Variants in GRIK2 observed in about 807,000 individuals in gnomAD.
GRIK2 encodes glutamate receptor ionotropic, kainate 2.
GRIK2 carries 32 observed loss-of-function variants against 100.3 expected under a neutral mutation model. The observed-to-expected ratio is 0.32, with a 90% CI of 0.24 to 0.43. GRIK2 has a LOEUF of 0.43. GRIK2 is among the 20% of genes least tolerant of loss of function. The probability of loss-of-function intolerance (pLI) is 1.00; values close to 1 mark genes in which losing one functional copy is unlikely to be tolerated. For missense variants in GRIK2, 843 were observed against 1,114.9 expected, an observed-to-expected ratio of 0.76 and a Z score of 3.47; for synonymous variants, 417 against 389.4, an observed-to-expected ratio of 1.07 and a Z score of -0.83.
chr6:101,780,943 A>C (rs1779047900), intron 7 of GRIK2, among the ~76,000 whole-genome samples: 1 of 152,208 alleles, frequency 6.6e-6, no homozygotes, highest in Non-Finnish European at 1.5e-5. Flanking sequence ...ATGTCCTTTG[A>C]CACTCATGAA....
chr6:101,912,320 T>C (rs1285966618), intron 12 of GRIK2, among the ~76,000 whole-genome samples: 1 of 151,436 alleles, frequency 6.6e-6, no homozygotes, highest in East Asian at 1.9e-4. Context: ...AGCAAAAAAC[T>C]CTAACAGACT....
chr6:101,907,062 T>C (rs1288715894), intron 12 of GRIK2, among the ~76,000 whole-genome samples: 1 of 151,770 alleles, frequency 6.6e-6, no homozygotes, highest in Non-Finnish European at 1.5e-5. Flanking sequence ...AATGTAATTC[T>C]GAAAATCTTC....
At chr6:101,965,951 T>C (rs1295011322) in intron 14 of GRIK2, among the ~76,000 whole-genome samples, 1 of 152,168 alleles carries the variant, frequency 6.6e-6, no homozygotes. Flanking sequence ...ATAATTATGA[T>C]GTTATGTGGT....
intron 3 of GRIK2, among the ~76,000 whole-genome samples, chr6:101,623,625 C>T (rs1482668028): frequency 6.6e-6 from 1 of 152,078 alleles, no homozygotes. Context: ...TTCGGATGTT[C>T]TCACAACAGA....
intron 10 of GRIK2, among the ~76,000 whole-genome samples, chr6:101,848,268 T>C (rs2128438477): frequency 6.6e-6 from 1 of 152,224 alleles, no homozygotes; most frequent in African/African-American, 2.4e-5. Context: ...CGTTGTAAGT[T>C]TTTATTCAAT....
At chr6:101,790,102 T>C (rs1046928552) in intron 7 of GRIK2, among the ~76,000 whole-genome samples, 2 of 152,222 alleles carry the variant, frequency 1.3e-5, no homozygotes, top group African/African-American at 2.4e-5. Flanking sequence ...TAAGGAGATA[T>C]CGGGCTGAGA....
intron 10 of GRIK2, among the ~76,000 whole-genome samples, chr6:101,857,646 A>G (rs1159245709): frequency 6.6e-6 from 1 of 152,226 alleles, no homozygotes; most frequent in African/African-American, 2.4e-5. Flanking sequence ...TTCCTCTAAG[A>G]TAACAGGGGC....
At chr6:101,429,363 G>C (rs1282722914) in intron 2 of GRIK2, among the ~76,000 whole-genome samples, 1 of 152,164 alleles carries the variant, frequency 6.6e-6, no homozygotes. Flanking sequence ...ACTAGAGAGA[G>C]ATGTAGTGCA....
At chr6:101,550,987 C>T (rs1385073035) in intron 2 of GRIK2, among the ~76,000 whole-genome samples, 1 of 152,152 alleles carries the variant, frequency 6.6e-6, no homozygotes, top group South Asian at 2.1e-4. Flanking sequence ...CTCTTCTCTG[C>T]TCCCTGCTCT....
intron 14 of GRIK2, among the ~76,000 whole-genome samples, chr6:101,946,263 G>A (rs922852665): frequency 6.6e-6 from 1 of 151,920 alleles, no homozygotes; most frequent in Non-Finnish European, 1.5e-5. Context: ...ATATGTATGT[G>A]TGTGCATACA....
intron 9 of GRIK2, among the ~76,000 whole-genome samples, chr6:101,807,964 A>G (rs951681559): frequency 3.3e-5 from 5 of 152,106 alleles, no homozygotes; most frequent in African/African-American, 1.2e-4. Flanking sequence ...GTGAGGAAAT[A>G]TAAAAACATC....
intron 7 of GRIK2, among the ~76,000 whole-genome samples, chr6:101,734,059 C>A (rs991458224): frequency 6.6e-6 from 1 of 152,096 alleles, no homozygotes. Flanking sequence ...CAAATTCCTA[C>A]AGCCTCCACC....
intron 2 of GRIK2, among the ~76,000 whole-genome samples, chr6:101,571,747 A>G (rs1248655888): frequency 6.6e-6 from 1 of 152,150 alleles, no homozygotes; most frequent in African/African-American, 2.4e-5. Context: ...TAAATTCAGG[A>G]AATCAGTAGG....
At chr6:101,948,325 TA>T (rs1192107216) in intron 14 of GRIK2, among the ~76,000 whole-genome samples, 2 of 150,858 alleles carry the variant, frequency 1.3e-5, no homozygotes, top group African/African-American at 4.9e-5. Context: ...TTTTTTTTTT[TA>T]AAGTCTCTTC....
chr6:102,066,525 T>G (rs965996410), intron 16 of GRIK2, among the ~76,000 whole-genome samples: 1 of 151,618 alleles, frequency 6.6e-6, no homozygotes, highest in Non-Finnish European at 1.5e-5. Context: ...GGCTTCCTAA[T>G]TAAGTTAAAA....
At chr6:101,758,498 C>T (rs1777277706) in intron 7 of GRIK2, among the ~76,000 whole-genome samples, 1 of 152,132 alleles carries the variant, frequency 6.6e-6, no homozygotes. Context: ...CCATTGCTCC[C>T]TGTTGGAAGA....
chr6:101,792,316 GTTTTGGCATGA>G (rs1562390156), intron 7 of GRIK2, among the ~76,000 whole-genome samples: 2 of 151,852 alleles, frequency 1.3e-5, no homozygotes, highest in South Asian at 4.2e-4. Flanking sequence ...TGGTCTTTAC[GTTTTGGCATGA>G]TTTTGCAGTG....
intron 4 of GRIK2, among the ~76,000 whole-genome samples, chr6:101,645,902 T>A (rs1170286023): frequency 1.3e-5 from 2 of 152,060 alleles, no homozygotes; most frequent in African/African-American, 2.4e-5. Context: ...ATAATAAAAA[T>A]TTATCTTTAT....
intron 10 of GRIK2, among the ~76,000 whole-genome samples, chr6:101,835,464 CTTT>C (rs764148146): frequency 1.3e-3 from 120 of 89,046 alleles, no homozygotes; most frequent in African/African-American, 4.5e-3. Flanking sequence ...CTATGAGTTC[CTTT>C]TTTTTTTTTT....
Sources: gnomAD v4.1 joint callset for allele counts (sites outside exome capture counted in the v4.1 genomes callset) on GRCh38, gnomAD v4.1.1 for gene constraint, MANE v1.5 for transcripts, NCBI Gene and HGNC (gene_info 2026-07-23, HGNC 2026-07-21) for gene names.